Variants in MORN1 observed in about 807,000 individuals in gnomAD.
The protein encoded by MORN1 is MORN repeat-containing protein 1.
In MORN1, 67 loss-of-function variants were observed where a neutral mutation model predicts 61.9. The ratio of observed to expected loss-of-function variants is 1.08; its 90% CI spans 0.89 to 1.33. MORN1 has a LOEUF of 1.33. Ranked by LOEUF, MORN1 falls within the 40% of genes most tolerant of loss-of-function variation. The pLI is 0.00. For missense variants in MORN1, 752 were observed against 691.2 expected, an observed-to-expected ratio of 1.09 and a Z score of -0.99; for synonymous variants, 301 against 292.0, an observed-to-expected ratio of 1.03 and a Z score of -0.31.
chr1:2,345,238 C>T (rs775329423), intron 10 of MORN1, among the ~76,000 whole-genome samples: 46 of 152,372 alleles, frequency 3.0e-4, no homozygotes, highest in South Asian at 6.2e-4. Flanking sequence ...CTGCCACACT[C>T]AGGGTCTGTC....
Position 2,374,539 on chromosome 1 carries a change from C to A in MORN1, c.556G>T (p.Val186Phe). 6.3e-7 allele frequency: 1 copy of A among 1,596,530 alleles called. No individual in the cohort carries two copies. The highest frequency in any genetic ancestry group is 1.8e-5 in the Admixed American group (1 of 56,904). The change falls in exon 7 of 14, where the codon GTC becomes TTC. Residue 186 changes from valine to phenylalanine, a missense_variant. By Grantham distance (50) the Val-to-Phe change is conservative. Coordinates refer to ENST00000378531, the MANE Select transcript of MORN1 (RefSeq NM_024848.3). ...STYKGQWHSD[V>F]FSGLGSMAHC... Reference sequence around the variant, plus strand: ...GCCATGCTGCCCAGTCCACTGAAGACGTCGCTGTGCCACTGTCCCTGCAGA... The same window carrying A: ...GCCATGCTGCCCAGTCCACTGAAGAAGTCGCTGTGCCACTGTCCCTGCAGA...
At position 2,333,332 on chromosome 1, in the gene MORN1, G is replaced by C. The variant is rs545630980; in HGVS notation, c.1250+3137C>G. 2.2e-3 allele frequency among the ~76,000 whole-genome samples: 337 copies of C among 152,328 alleles called. 2 individuals carry two copies. The highest frequency in any genetic ancestry group is 7.7e-3 in the African/African-American group (322 of 41,588). On this transcript the variant is annotated intron_variant, in intron 12 of 13. Coordinates refer to ENST00000378531, the MANE Select transcript of MORN1 (RefSeq NM_024848.3). Reference sequence around the variant, plus strand: ...GGACCCAGCAGCCGGGTCAGCCCCGGGCCCAGCTCCCGAAGCCTCCTCCCC... The same window carrying C: ...GGACCCAGCAGCCGGGTCAGCCCCGCGCCCAGCTCCCGAAGCCTCCTCCCC...
At chr1:2,374,020 C>A (rs2100341149) in intron 7 of MORN1, among the ~76,000 whole-genome samples, 1 of 152,302 alleles carries the variant, frequency 6.6e-6, no homozygotes, top group Admixed American at 6.5e-5. Flanking sequence ...TGGGGTGGCA[C>A]CCTCATCCTG....
At chr1:2,326,250 T>G (rs1307154235) in intron 12 of MORN1, 1 of 152,140 alleles carries the variant, frequency 6.6e-6, no homozygotes, top group Non-Finnish European at 1.5e-5. Flanking sequence ...GAGAACAGGC[T>G]TTGCCGGACC....
At chr1:2,342,153 G>C (rs573556607) in intron 10 of MORN1, among the ~76,000 whole-genome samples, 1 of 152,400 alleles carries the variant, frequency 6.6e-6, no homozygotes, top group Non-Finnish European at 1.5e-5. Context: ...CTCGGGAACC[G>C]AGAGGCTGAG....
intron 6 of MORN1, among the ~76,000 whole-genome samples, chr1:2,384,604 C>T (rs919488315): frequency 3.3e-5 from 5 of 152,206 alleles, no homozygotes; most frequent in African/African-American, 4.8e-5. Flanking sequence ...AGGCTCCCAT[C>T]GGTGGAGAAG....
At position 2,387,413 on chromosome 1, in the gene MORN1, C is replaced by G. The variant is rs751552828; in HGVS notation, c.358+6G>C. The G allele has an allele frequency of 1.2e-6, 2 of 1,610,660 alleles. No homozygotes were observed. Among genetic ancestry groups the G allele is most frequent in the Non-Finnish European group, 1.7e-6 (2 of 1,178,056 alleles). ...TCACAGCACCCGGCTCCTGTGGGCG[C>G]CAGACCTTCCCGCATGCCGTGGGAG... On this transcript the variant is annotated splice_donor_region_variant and intron_variant, in intron 4 of 13. Coordinates refer to ENST00000378531, the MANE Select transcript of MORN1 (RefSeq NM_024848.3).
In MORN1 at chr1:2,324,211, C is replaced by T; in HGVS notation, c.1251-68G>A. On this transcript the variant is annotated intron_variant, in intron 12 of 13. Coordinates refer to ENST00000378531, the MANE Select transcript of MORN1 (RefSeq NM_024848.3). ...GCCCCGACGACATGGCATCCCTGAC[C>T]TGAACCAGGGCTAGTGGCTCCAGGG... is the stretch of plus-strand genomic sequence containing the variant. 5 of 1,498,474 alleles carry T rather than the reference C, an allele frequency of 3.3e-6. No individual in the cohort carries two copies. In the South Asian group the frequency reaches 6.0e-5, roughly 18 times the overall value. The allele number at this position is 1,498,474 out of a possible 1,614,324, so 92.8% of individuals were successfully genotyped here.
intron 6 of MORN1, among the ~76,000 whole-genome samples, chr1:2,382,213 G>A (rs1464116258): frequency 2.0e-5 from 3 of 152,166 alleles, no homozygotes; most frequent in East Asian, 3.9e-4. Flanking sequence ...GCAGCAGGCG[G>A]CACCTCTGTG....
chr1:2,353,634 G>A (rs1641699360), intron 10 of MORN1, among the ~76,000 whole-genome samples: 1 of 152,254 alleles, frequency 6.6e-6, no homozygotes, highest in Non-Finnish European at 1.5e-5. Context: ...GGCTGGAACT[G>A]AAACTTAGAA....
chr1:2,384,565 G>A (rs1386030070), intron 6 of MORN1, among the ~76,000 whole-genome samples: 1 of 152,230 alleles, frequency 6.6e-6, no homozygotes, highest in Non-Finnish European at 1.5e-5. Flanking sequence ...GTACCAGGAA[G>A]AGAAAGGCCC....
chr1:2,385,166 A>G, intron 5 of MORN1, 101 bp from the exon 6 acceptor site: 3 of 1,258,534 alleles, frequency 2.4e-6, no homozygotes, highest in Non-Finnish European at 3.3e-6. Context: ...GCACTGCGGG[A>G]CCGAGGCAAA....
chr1:2,344,902 C>T (rs570085304), intron 10 of MORN1, among the ~76,000 whole-genome samples: 1 of 152,250 alleles, frequency 6.6e-6, no homozygotes, highest in East Asian at 1.9e-4. Context: ...TGGCACAAAG[C>T]GAGAGCATCA....
intron 5 of MORN1, 129 bp from the exon 6 acceptor site, chr1:2,385,194 G>A (rs1021216837): frequency 2.4e-5 from 22 of 920,894 alleles, no homozygotes; most frequent in Non-Finnish European, 3.5e-5. Flanking sequence ...CCGAGCAGAT[G>A]GCCCCAAGAG....
At chr1:2,344,255 C>A (rs1020009620) in intron 10 of MORN1, among the ~76,000 whole-genome samples, 1 of 152,040 alleles carries the variant, frequency 6.6e-6, no homozygotes, top group Non-Finnish European at 1.5e-5. Context: ...TGGCCAGGCA[C>A]AAGGGGCTGG....
intron 1 of MORN1, 148 bp downstream of exon 1, chr1:2,391,310 G>A (rs1324414537): frequency 1.1e-6 from 1 of 918,452 alleles, no homozygotes; most frequent in Non-Finnish European, 1.4e-6. Flanking sequence ...TGTGGGAGTG[G>A]GGGACGCGGG....
At chr1:2,356,907 G>A (rs779444632) in intron 10 of MORN1, among the ~76,000 whole-genome samples, 26 of 152,336 alleles carry the variant, frequency 1.7e-4, no homozygotes, top group African/African-American at 5.8e-4. Flanking sequence ...GCCTTGGGGG[G>A]CAGAGTTGGG....
rs200664556 is a variant in MORN1 at position 2,336,489 on chromosome 1, C to G, written c.1230G>C (p.Gln410His). 6.2e-7 allele frequency: 1 copy of G among 1,612,488 alleles called. No homozygotes were observed. The highest frequency in any genetic ancestry group is 1.1e-5 in the South Asian group (1 of 91,056). Residue 410 changes from glutamine to histidine, a missense_variant, in exon 12 of 14, where the codon CAG (glutamine) becomes CAC (histidine). Transcript: ENST00000378531. The part of the protein sequence containing the change: ...LHPRGTPPTA[Q>H]EPPGGSRPEG... ...CCTACCTGCTGCCTCCAGGAGGCTC[C>G]TGTGCCGTGGGTGGTGTCCCCCTGG...
In MORN1 at chr1:2,334,019, C is replaced by T. The variant is rs1437524120; in HGVS notation, c.1250+2450G>A. Among the ~76,000 whole-genome samples the T allele has an allele frequency of 6.6e-6, 1 of 152,236 alleles. No homozygotes were observed. Among genetic ancestry groups the T allele is most frequent in the South Asian group, 2.1e-4 (1 of 4,822 alleles). The stretch of plus-strand genomic sequence containing the variant: ...CAGAGGGAGGGGTGCATGGGAGACC[C>T]CAGAGCTTCTTCCTCACCGCAGAGC... On this transcript the variant is annotated intron_variant, in intron 12 of 13. Coordinates refer to ENST00000378531, the MANE Select transcript of MORN1 (RefSeq NM_024848.3). This position sits in a 1 kb window ranked among gnomAD's most constrained non-coding sequence, Gnocchi z 5.4.
Sources: gnomAD v4.1 joint callset for allele counts (sites outside exome capture counted in the v4.1 genomes callset) on GRCh38, gnomAD v4.1.1 for gene constraint, Gnocchi (gnomAD v3.1) non-coding constraint, MANE v1.5 for transcripts, NCBI Gene and HGNC (gene_info 2026-07-23, HGNC 2026-07-21) for gene names.